TRPS1: variants seen among roughly 807,000 people sequenced by gnomAD.
TRPS1 encodes transcriptional repressor GATA binding 1.
TRPS1 carries 6 observed loss-of-function variants against 101.2 expected under a neutral mutation model. The observed-to-expected ratio is 0.06, with a 90% CI of 0.03 to 0.12. TRPS1 has a LOEUF of 0.12. TRPS1 is among the 10% of genes least tolerant of loss of function. TRPS1 has a pLI of 1.00. For synonymous variants in TRPS1, 578 were observed against 589.8 expected (o/e 0.98, Z 0.29); for missense variants, 1,363 against 1,567.0 (o/e 0.87, Z 2.20).
At chr8:115,666,044 T>C (rs1272476124) in intron 1 of TRPS1, among the ~76,000 whole-genome samples, 1 of 152,164 alleles carries the variant, frequency 6.6e-6, no homozygotes. Context: ...CAAGTTATAA[T>C]GTTGGTATTA....
Position 115,574,741 on chromosome 8 carries a change from C to CATATAT in TRPS1, c.2700+12254_2700+12259dup, listed in dbSNP as rs3071227. On this transcript the variant is annotated intron_variant, in intron 5 of 6. Transcript: ENST00000395715. Reference sequence around the variant, plus strand: ...AAATGTTTTGAAGGCAGTTAAATCCCATATATATATATAACTTTATAAGTG... The same window carrying CATATAT: ...AAATGTTTTGAAGGCAGTTAAATCCCATATATATATATATATATAACTTTATAAGTG... 3.8e-3 allele frequency among the ~76,000 whole-genome samples: 575 copies of CATATAT among 150,438 alleles called. 3 individuals are homozygous for CATATAT. The highest frequency in any genetic ancestry group is 0.024 in the East Asian group (121 of 5,112).
intron 2 of TRPS1, among the ~76,000 whole-genome samples, chr8:115,622,110 G>A (rs550376667): frequency 6.6e-6 from 1 of 152,198 alleles, no homozygotes; most frequent in East Asian, 1.9e-4. Flanking sequence ...CTGACTTCTG[G>A]AGGAAAGAAG....
At chr8:115,585,401 A>G (rs567262071) in intron 5 of TRPS1, among the ~76,000 whole-genome samples, 1 of 152,330 alleles carries the variant, frequency 6.6e-6, no homozygotes, top group Admixed American at 6.5e-5. Flanking sequence ...ACAGTCAAAC[A>G]ATATGGTGTC....
chr8:115,502,598 C>T lies in TRPS1; in HGVS notation c.2701-84146G>A, dbSNP rs141342175. On this transcript the variant is annotated intron_variant, in intron 5 of 6. Transcript: ENST00000395715. ...AATAAGATTATCTAGAAATGATACACGGTATTTGGCCCACAGTAGGTACTT... is the reference window on the plus strand; with the variant it reads ...AATAAGATTATCTAGAAATGATACATGGTATTTGGCCCACAGTAGGTACTT... Among the ~76,000 whole-genome samples, 120 of 152,242 alleles carry T rather than the reference C, an allele frequency of 7.9e-4. 1 individual carries two copies. The highest frequency in any genetic ancestry group is 3.4e-3 in the Middle Eastern group (1 of 294).
At chr8:115,481,784 A>C (rs1814758927) in intron 5 of TRPS1, among the ~76,000 whole-genome samples, 1 of 152,166 alleles carries the variant, frequency 6.6e-6, no homozygotes. Flanking sequence ...GTTTTTCTAA[A>C]ATATCTTGGT....
intron 1 of TRPS1, among the ~76,000 whole-genome samples, chr8:115,655,192 C>T (rs989236580): frequency 6.6e-6 from 1 of 152,186 alleles, no homozygotes; most frequent in African/African-American, 2.4e-5. Flanking sequence ...CCAATGTTCA[C>T]TTTGATATAC....
intron 1 of TRPS1, among the ~76,000 whole-genome samples, chr8:115,624,308 A>G (rs1818459602): frequency 6.6e-6 from 1 of 151,954 alleles, no homozygotes; most frequent in Non-Finnish European, 1.5e-5. Context: ...ATGGGCTAAA[A>G]GTGAAGTTGA....
At chr8:115,580,515 G>C (rs1817421622) in intron 5 of TRPS1, among the ~76,000 whole-genome samples, 1 of 151,970 alleles carries the variant, frequency 6.6e-6, no homozygotes, top group Admixed American at 6.6e-5. Context: ...ATCTAAGAAT[G>C]CTCAACAATG....
At chr8:115,564,870 C>A (rs1257508211) in intron 5 of TRPS1, among the ~76,000 whole-genome samples, 3 of 152,088 alleles carry the variant, frequency 2.0e-5, no homozygotes, top group African/African-American at 7.2e-5. Context: ...TACTTGTGAA[C>A]ACATTAACTC....
At chr8:115,437,301 G>A (rs1018468920) in intron 5 of TRPS1, among the ~76,000 whole-genome samples, 1 of 152,192 alleles carries the variant, frequency 6.6e-6, no homozygotes, top group Admixed American at 6.5e-5. Flanking sequence ...CCCCCATGAC[G>A]GGTGCCATGG....
At chr8:115,502,023 T>G (rs1815331355) in intron 5 of TRPS1, among the ~76,000 whole-genome samples, 1 of 152,198 alleles carries the variant, frequency 6.6e-6, no homozygotes, top group South Asian at 2.1e-4. Context: ...AAGTCTACCT[T>G]TTTAGCATTA....
intron 5 of TRPS1, among the ~76,000 whole-genome samples, chr8:115,586,774 C>T (rs1003428703): frequency 4.6e-5 from 7 of 152,162 alleles, no homozygotes; most frequent in African/African-American, 1.4e-4. Flanking sequence ...GAGCTAAGAG[C>T]AAAGACAAAC....
chr8:115,505,347 C>T (rs1404720520), intron 5 of TRPS1, among the ~76,000 whole-genome samples: 1 of 152,040 alleles, frequency 6.6e-6, no homozygotes, highest in African/African-American at 2.4e-5. Flanking sequence ...GAGTACTTGG[C>T]CTCACTTTTG....
At chr8:115,461,576 T>C (rs2129975069) in intron 5 of TRPS1, among the ~76,000 whole-genome samples, 1 of 152,324 alleles carries the variant, frequency 6.6e-6, no homozygotes, top group Middle Eastern at 3.4e-3. Context: ...TAAAGGTTTC[T>C]TGAACTAATG....
At chr8:115,533,695 G>A (rs1356160606) in intron 5 of TRPS1, among the ~76,000 whole-genome samples, 1 of 151,860 alleles carries the variant, frequency 6.6e-6, no homozygotes, top group African/African-American at 2.4e-5. Context: ...AAATACCATA[G>A]ACTGGGTGGC....
chr8:115,608,003 G>A (rs544318785), intron 3 of TRPS1, among the ~76,000 whole-genome samples: 29 of 152,210 alleles, frequency 1.9e-4, no homozygotes, highest in African/African-American at 7.0e-4. Flanking sequence ...AATACACAGT[G>A]AGAACAATTA....
At chr8:115,559,771 C>T (rs981044100) in intron 5 of TRPS1, among the ~76,000 whole-genome samples, 1 of 152,026 alleles carries the variant, frequency 6.6e-6, no homozygotes, top group Non-Finnish European at 1.5e-5. Flanking sequence ...AAATCTTACC[C>T]TTGAAAGTGC....
intron 2 of TRPS1, among the ~76,000 whole-genome samples, chr8:115,621,119 T>A (rs1165774446): frequency 6.6e-6 from 1 of 152,168 alleles, no homozygotes; most frequent in Admixed American, 6.5e-5. Flanking sequence ...GTCAGAACTT[T>A]AAGAATATAA....
At chr8:115,490,952 G>A (rs7000668) in intron 5 of TRPS1, among the ~76,000 whole-genome samples, 5,499 of 152,116 alleles carry the variant, frequency 0.036, 373 homozygotes, top group African/African-American at 0.13. Flanking sequence ...CGAAACACAC[G>A]GGATGAAGGA....
Sources: gnomAD v4.1 joint callset for allele counts (sites outside exome capture counted in the v4.1 genomes callset) on GRCh38, gnomAD v4.1.1 for gene constraint, MANE v1.5 for transcripts, NCBI Gene and HGNC (gene_info 2026-07-23, HGNC 2026-07-21) for gene names.